Variants in MCMDC2 observed in about 807,000 individuals in gnomAD.
The protein encoded by MCMDC2 is minichromosome maintenance domain-containing protein 2.
Under a neutral mutation model 75.8 loss-of-function variants are expected in MCMDC2, and 54 were observed. That is an observed-to-expected ratio of 0.71 (90% CI 0.57 to 0.89). The LOEUF is 0.89. Ranked by LOEUF, MCMDC2 falls within the 40% of genes least tolerant of loss-of-function variation. The pLI is 0.00. For missense variants in MCMDC2, 656 were observed against 780.4 expected, an observed-to-expected ratio of 0.84 and a Z score of 1.90; for synonymous variants, 249 against 274.6, an observed-to-expected ratio of 0.91 and a Z score of 0.92.
At chr8:66,877,312 G>A (rs374010442) in intron 4 of MCMDC2, 37 bp from the exon 5 acceptor site, 3 of 1,332,500 alleles carry the variant, frequency 2.3e-6, no homozygotes, top group African/African-American at 3.0e-5. Flanking sequence ...AATTGGATTT[G>A]CAATTTTCAT....
Position 66,905,318 on chromosome 8 carries a change from C to T in MCMDC2, c.1862C>T (p.Ser621Phe). ...ATTGCAGCCTTACTATTTGAAACAT[C>T]CCTCACATTGAAATATGGTAATGAA... ...VLIAALLFET[S>F]LTLKYGATVF... The change falls in exon 14 of 15, where the codon TCC becomes TTC. Residue 621 changes from serine (S) to phenylalanine (F), a missense_variant. Ser to Phe is a radical substitution (Grantham distance 155, BLOSUM62 -2). Coordinates refer to ENST00000422365, the MANE Select transcript of MCMDC2 (RefSeq NM_173518.5). 1 of 1,476,548 alleles carries T rather than the reference C, an allele frequency of 6.8e-7. No individual in the cohort carries two copies. The highest frequency in any genetic ancestry group is 9.0e-7 in the Non-Finnish European group (1 of 1,109,300). The allele number at this position is 1,476,548 out of a possible 1,614,324, so 91.5% of individuals were successfully genotyped here. A position where few individuals can be genotyped will look rare whatever the true frequency, so the allele number is the denominator to read the frequency against.
At chr8:66,892,713 T>C (rs1371529210) in intron 10 of MCMDC2, among the ~76,000 whole-genome samples, 1 of 152,146 alleles carries the variant, frequency 6.6e-6, no homozygotes, top group African/African-American at 2.4e-5. Flanking sequence ...CACCCAGAAC[T>C]GGCAGCCTGG....
At chr8:66,877,863 TAAA>T (rs746087269) in intron 5 of MCMDC2, among the ~76,000 whole-genome samples, 5 of 87,428 alleles carry the variant, frequency 5.7e-5, no homozygotes, top group Non-Finnish European at 7.0e-5. Context: ...TGACCCTGTC[TAAA>T]AAAAAAAAAA....
At chr8:66,873,949 GTT>G in intron 1 of MCMDC2, 102 bp from the exon 2 acceptor site, 1 of 435,732 alleles carries the variant, frequency 2.3e-6, no homozygotes, top group Non-Finnish European at 4.0e-6. Flanking sequence ...GGGTAGGAAT[GTT>G]TTTAAGTTGG....
chr8:66,917,756 G>A (rs1451138319), intron 14 of MCMDC2, among the ~76,000 whole-genome samples: 1 of 152,192 alleles, frequency 6.6e-6, no homozygotes, highest in East Asian at 1.9e-4. Flanking sequence ...TTTTAAGGCT[G>A]AATAACATCC....
rs1813542034 is a variant in MCMDC2, at chr8:66,921,745, C to T, written c.*2576C>T. 6.6e-6 allele frequency: 1 copy of T among 152,162 alleles called. No individual in the cohort carries two copies. The highest frequency in any genetic ancestry group is 6.5e-5 in the Admixed American group (1 of 15,274). 9.4% of individuals were successfully genotyped at this position (152,162 alleles called of 1,614,324 possible). ...TTAAAGAGTTTTAAGATTCAACCACCTGGTACAACAGCAGGCTCTGAAGGG... is the reference window on the plus strand; with the variant it reads ...TTAAAGAGTTTTAAGATTCAACCACTTGGTACAACAGCAGGCTCTGAAGGG... On this transcript the variant is annotated 3_prime_UTR_variant, in exon 15 of 15. Coordinates refer to ENST00000422365, the MANE Select transcript of MCMDC2 (RefSeq NM_173518.5).
downstream of MCMDC2, among the ~76,000 whole-genome samples, chr8:66,923,915 G>C (rs916050365): frequency 1.3e-5 from 2 of 151,796 alleles, no homozygotes; most frequent in African/African-American, 2.4e-5. Context: ...ACCCCACAAA[G>C]CTATCCACAC....
At chr8:66,896,051 C>T in intron 10 of MCMDC2, 119 bp from the exon 11 acceptor site, 1 of 872,448 alleles carries the variant, frequency 1.1e-6, no homozygotes. Flanking sequence ...GTCAAATTTA[C>T]TTTCTTTCAC....
At chr8:66,923,480 G>C (rs1470893818), downstream of MCMDC2, among the ~76,000 whole-genome samples, 1 of 151,870 alleles carries the variant, frequency 6.6e-6, no homozygotes, top group East Asian at 1.9e-4. Context: ...ATCAGTATTA[G>C]GAATATAAAC....
intron 14 of MCMDC2, among the ~76,000 whole-genome samples, chr8:66,911,550 G>C (rs561108371): frequency 6.6e-6 from 1 of 152,272 alleles, no homozygotes; most frequent in East Asian, 1.9e-4. Flanking sequence ...GAGGCCGAGC[G>C]TGGTGGCTCA....
At chr8:66,904,381 G>C (rs1812825996) in intron 13 of MCMDC2, among the ~76,000 whole-genome samples, 1 of 152,164 alleles carries the variant, frequency 6.6e-6, no homozygotes, top group Admixed American at 6.5e-5. Context: ...GGTCTCAGAA[G>C]ACAGAACAAG....
intron 10 of MCMDC2, among the ~76,000 whole-genome samples, chr8:66,893,655 C>A (rs1212283587): frequency 6.6e-6 from 1 of 152,162 alleles, no homozygotes; most frequent in Non-Finnish European, 1.5e-5. Context: ...TCCCACCAGG[C>A]CCCTCCCACA....
intron 14 of MCMDC2, among the ~76,000 whole-genome samples, chr8:66,913,764 A>G (rs1044280351): frequency 2.0e-5 from 3 of 151,778 alleles, no homozygotes; most frequent in African/African-American, 7.3e-5. Flanking sequence ...CAGGAGTTTG[A>G]GACCAGCCTG....
intron 14 of MCMDC2, among the ~76,000 whole-genome samples, chr8:66,911,035 T>C (rs1305232226): frequency 6.6e-6 from 1 of 152,222 alleles, no homozygotes; most frequent in Non-Finnish European, 1.5e-5. Context: ...TTTGGGTTAA[T>C]GCTAGAATGA....
In MCMDC2 at chr8:66,874,573, A is replaced by G. The variant is rs1412054348; in HGVS notation, c.272A>G (p.Gln91Arg). The G allele has an allele frequency of 1.9e-6, 3 of 1,612,744 alleles. No homozygotes were observed. Among genetic ancestry groups the G allele is most frequent in the Non-Finnish European group, 2.5e-6 (3 of 1,179,566 alleles). Residue 91 changes from glutamine to arginine, a missense_variant, in exon 4 of 15, where the codon CAG (glutamine) becomes CGG (arginine). Physicochemically the swap from Gln to Arg is conservative, Grantham distance 43. Transcript: ENST00000422365. ...ACTCTCTCATTAATTGGACAATTGCAGACTGAAACGCAAGTAAGTTTTAGT... is the reference window on the plus strand; with the variant it reads ...ACTCTCTCATTAATTGGACAATTGCGGACTGAAACGCAAGTAAGTTTTAGT... ...VKTLSLIGQL[Q>R]TETQINIVLK...
At position 66,883,865 on chromosome 8, in the gene MCMDC2, C is replaced by A. The variant is rs765329862; in HGVS notation, c.944C>A (p.Pro315His). The A allele has an allele frequency of 2.5e-6, 4 of 1,613,852 alleles. No individual in the cohort carries two copies. The African/African-American group carries it at 5.3e-5, about 22-fold the overall frequency. ...LANIFASQIT[P>H]PGTYNLLKLC... The stretch of plus-strand genomic sequence containing the variant: ...AATATCTTTGCATCACAAATTACCC[C>A]TCCTGGGACTTACAATTTGCTCAAG... The change falls in exon 9 of 15, where the codon CCT becomes CAT. Residue 315 changes from proline to histidine, a missense_variant. Physicochemically the swap from Pro to His is moderately conservative, Grantham distance 77 (BLOSUM62 -2). Coordinates refer to ENST00000422365, the MANE Select transcript of MCMDC2 (RefSeq NM_173518.5).
intron 8 of MCMDC2, 78 bp downstream of exon 8, chr8:66,881,052 C>T: frequency 1.7e-6 from 2 of 1,192,536 alleles, no homozygotes; most frequent in Non-Finnish European, 2.2e-6. Flanking sequence ...GTATTGTTTG[C>T]CTATGTGCTA....
intron 14 of MCMDC2, among the ~76,000 whole-genome samples, chr8:66,908,842 A>G (rs574427319): frequency 6.6e-6 from 1 of 152,246 alleles, no homozygotes; most frequent in African/African-American, 2.4e-5. Flanking sequence ...AACTGTCAAG[A>G]CCTCAAGTGA....
At chr8:66,891,117 C>A in intron 10 of MCMDC2, 47 bp downstream of exon 10, 1 of 1,463,528 alleles carries the variant, frequency 6.8e-7, no homozygotes, top group Non-Finnish European at 9.3e-7. Flanking sequence ...AACCTATACT[C>A]TCATCCATGT....
Sources: gnomAD v4.1 joint callset for allele counts (sites outside exome capture counted in the v4.1 genomes callset) on GRCh38, gnomAD v4.1.1 for gene constraint, MANE v1.5 for transcripts, NCBI Gene and HGNC (gene_info 2026-07-23, HGNC 2026-07-21) for gene names.